VCL: variants seen among roughly 807,000 people sequenced by gnomAD.
The protein encoded by VCL is epididymis luminal protein 114.
A neutral mutation model predicts 125.7 loss-of-function variants in VCL; 47 were observed. The observed-to-expected ratio is 0.37, with a 90% CI of 0.30 to 0.48. The LOEUF is 0.48. VCL is among the 20% of genes least tolerant of loss of function. VCL has a pLI of 0.99. For synonymous variants in VCL, 458 were observed against 514.6 expected (o/e 0.89, Z 1.49); for missense variants, 1,069 against 1,455.5 (o/e 0.73, Z 4.32).
chr10:74,084,306 T>C (rs1839732255), intron 8 of VCL, among the ~76,000 whole-genome samples: 1 of 151,872 alleles, frequency 6.6e-6, no homozygotes, highest in Admixed American at 6.6e-5. Flanking sequence ...TATTTATTTA[T>C]TTAGAGACGG....
chr10:74,098,258 A>G (rs1252243964), intron 13 of VCL, among the ~76,000 whole-genome samples: 1 of 152,162 alleles, frequency 6.6e-6, no homozygotes, highest in Non-Finnish European at 1.5e-5. Flanking sequence ...TCAGCTTTCT[A>G]CTGAAATGTC....
intron 1 of VCL, among the ~76,000 whole-genome samples, chr10:74,007,280 G>T (rs1010630378): frequency 4.0e-5 from 6 of 151,876 alleles, no homozygotes; most frequent in African/African-American, 1.5e-4. Flanking sequence ...TGCCTGGCCA[G>T]GATTGTAACT....
intron 8 of VCL, 46 bp from the exon 9 acceptor site, chr10:74,089,150 A>G (rs752320036): frequency 1.2e-6 from 2 of 1,612,638 alleles, no homozygotes; most frequent in Non-Finnish European, 1.7e-6. Context: ...TTTTGTCATT[A>G]AGTATTTGAG....
intron 1 of VCL, among the ~76,000 whole-genome samples, chr10:74,003,048 A>G (rs1840259352): frequency 6.6e-6 from 1 of 151,580 alleles, no homozygotes; most frequent in African/African-American, 2.4e-5. Context: ...CTCCACAATT[A>G]GGGAGGGGGT....
At chr10:74,115,616 T>C (rs1056712561) in intron 21 of VCL, among the ~76,000 whole-genome samples, 2 of 152,114 alleles carry the variant, frequency 1.3e-5, no homozygotes, top group African/African-American at 4.8e-5. Context: ...ACTCACTGTA[T>C]GTTTCTGGCT....
At chr10:74,050,899 C>G in intron 2 of VCL, among the ~76,000 whole-genome samples, 1 of 148,592 alleles carries the variant, frequency 6.7e-6, no homozygotes, top group South Asian at 2.1e-4. Context: ...CACCTTTGGA[C>G]TTGCCACATT....
chr10:74,063,048 C>T (rs946772867), intron 2 of VCL, among the ~76,000 whole-genome samples: 6 of 152,034 alleles, frequency 3.9e-5, no homozygotes, highest in East Asian at 1.9e-4. Context: ...CCAGCCTGGG[C>T]GACACAGCCA....
intron 1 of VCL, among the ~76,000 whole-genome samples, chr10:74,001,512 T>C (rs1298368606): frequency 3.3e-5 from 5 of 152,060 alleles, no homozygotes; most frequent in African/African-American, 1.2e-4. Flanking sequence ...AATTGGCACA[T>C]AGGATCACTC....
intron 1 of VCL, among the ~76,000 whole-genome samples, chr10:74,025,321 C>G (rs1297052919): frequency 1.3e-5 from 2 of 152,002 alleles, no homozygotes; most frequent in East Asian, 3.9e-4. Flanking sequence ...TGGCCCCACT[C>G]TTCTTATTTT....
At chr10:74,084,131 C>T (rs1251277404) in intron 8 of VCL, among the ~76,000 whole-genome samples, 1 of 152,130 alleles carries the variant, frequency 6.6e-6, no homozygotes, top group Non-Finnish European at 1.5e-5. Context: ...TCCCAAAGTG[C>T]TGGGATTACA....
rs397804906 is a variant in VCL, at chr10:74,119,157, C to CTA, written c.*990_*991dup. On this transcript the variant is annotated 3_prime_UTR_variant, in exon 22 of 22. Coordinates refer to ENST00000211998, the MANE Select transcript of VCL (RefSeq NM_014000.3). ...TTTAATTTTAACCAAAACATGTCTC[C>CTA]TATCCTGGTTTTTGTAGCCTTCCTC... 0.55 allele frequency: 83,783 copies of CTA among 152,350 alleles called. 23,723 individuals carry two copies. Among genetic ancestry groups the CTA allele is most frequent in the Middle Eastern group, 0.62 (181 of 292 alleles). 9.4% of individuals were successfully genotyped at this position (152,350 alleles called of 1,614,324 possible). A position where few individuals can be genotyped will look rare whatever the true frequency, so the allele number is the denominator to read the frequency against.
At chr10:74,028,640 A>G (rs1012645957) in intron 1 of VCL, among the ~76,000 whole-genome samples, 2 of 151,820 alleles carry the variant, frequency 1.3e-5, no homozygotes, top group Non-Finnish European at 2.9e-5. Flanking sequence ...CAGGTGATCC[A>G]CTCACCTTGG....
intron 1 of VCL, among the ~76,000 whole-genome samples, chr10:74,040,205 T>A (rs764923238): frequency 6.6e-6 from 1 of 152,252 alleles, no homozygotes; most frequent in African/African-American, 2.4e-5. Context: ...TACTTGTTTA[T>A]TTACTTGACT....
intron 8 of VCL, among the ~76,000 whole-genome samples, chr10:74,085,552 A>G (rs1839756186): frequency 6.6e-6 from 1 of 152,218 alleles, no homozygotes; most frequent in Non-Finnish European, 1.5e-5. Context: ...CTCCCCATAA[A>G]CTAAATAAAC....
chr10:74,045,529 G>A (rs748741673), intron 2 of VCL, among the ~76,000 whole-genome samples: 2 of 151,584 alleles, frequency 1.3e-5, no homozygotes, highest in Non-Finnish European at 2.9e-5. Flanking sequence ...AGGCTGAGGC[G>A]GGAGAATCAC....
chr10:74,010,526 T>C (rs1421010944), intron 1 of VCL, among the ~76,000 whole-genome samples: 2 of 152,308 alleles, frequency 1.3e-5, no homozygotes, highest in African/African-American at 4.8e-5. Flanking sequence ...TTTTCATTTC[T>C]GTCTACTTGA....
In VCL at chr10:74,070,962, A is replaced by C; in HGVS notation, c.391-13A>C. ...CCACCCATGTGATTGAATACTCTGA[A>C]ATATTTTTTCAGGTCCGTAAAATTA... On this transcript the variant is annotated splice_polypyrimidine_tract_variant and intron_variant, in intron 3 of 21. Transcript: ENST00000211998. 2 of 1,613,998 alleles carry C rather than the reference A, an allele frequency of 1.2e-6. No individual in the cohort carries two copies. Among genetic ancestry groups the C allele is most frequent in the Non-Finnish European group, 1.7e-6 (2 of 1,179,904 alleles).
At chr10:74,081,395 C>T (rs1376117873) in intron 6 of VCL, among the ~76,000 whole-genome samples, 1 of 152,014 alleles carries the variant, frequency 6.6e-6, no homozygotes, top group Non-Finnish European at 1.5e-5. Flanking sequence ...CTCCTGGTGC[C>T]CCCGTGTGGA....
chr10:74,102,699 C>A (rs1564532025), intron 14 of VCL, among the ~76,000 whole-genome samples: 1 of 152,270 alleles, frequency 6.6e-6, no homozygotes, highest in East Asian at 1.9e-4. Flanking sequence ...TCATAAGCTA[C>A]AAACATGTCT....
Sources: allele counts gnomAD v4.1 joint callset (sites outside exome capture counted in the v4.1 genomes callset), GRCh38; gene constraint gnomAD v4.1.1; transcripts MANE v1.5; gene names NCBI Gene and HGNC (gene_info 2026-07-23, HGNC 2026-07-21).